RPS6KA2: variants seen among roughly 807,000 people sequenced by gnomAD.
RPS6KA2 encodes the protein ribosomal protein S6 kinase A2, also known as ribosomal protein S6 kinase alpha-2.
RPS6KA2 carries 42 observed loss-of-function variants against 91.8 expected under a neutral mutation model. That is an observed-to-expected ratio of 0.46 (90% CI 0.36 to 0.59). The LOEUF (loss-of-function observed/expected upper bound fraction) is 0.59, where lower values mean the gene tolerates loss of function less well. Among genes scored for constraint, RPS6KA2 ranks in the 20% least tolerant of loss-of-function variants. The pLI is 0.00. For synonymous variants in RPS6KA2, 414 were observed against 393.6 expected, an observed-to-expected ratio of 1.05 and a Z score of -0.61; for missense variants, 798 against 978.5, an observed-to-expected ratio of 0.82 and a Z score of 2.46.
At position 166,412,942 on chromosome 6, in the gene RPS6KA2, C is replaced by T. The variant is rs2128434430; in HGVS notation, c.2077-55G>A. The T allele has an allele frequency of 6.7e-7, 1 of 1,491,508 alleles. No homozygotes were observed. Among genetic ancestry groups the T allele is most frequent in the East Asian group, 2.6e-5 (1 of 39,196 alleles). 92.4% of individuals were successfully genotyped at this position (1,491,508 alleles called of 1,614,324 possible). A position where few individuals can be genotyped will look rare whatever the true frequency, so the allele number is the denominator to read the frequency against. ...GCGGCGCCTCACTCCAGGGGTTGAG[C>T]CGGAGCCCGGGGCCTCCATGGGCCT... On this transcript the variant is annotated intron_variant, in intron 20 of 20. Transcript: ENST00000265678. This position sits in a 1 kb window ranked among gnomAD's most constrained non-coding sequence, Gnocchi z 4.3.
At chr6:166,678,535 G>A (rs572202034) in intron 2 of RPS6KA2, among the ~76,000 whole-genome samples, 1 of 152,294 alleles carries the variant, frequency 6.6e-6, no homozygotes, top group South Asian at 2.1e-4. Flanking sequence ...TTTCACAGAA[G>A]GAACTTTGGT....
intron 2 of RPS6KA2, among the ~76,000 whole-genome samples, chr6:166,830,905 C>T (rs1382774584): frequency 2.6e-5 from 4 of 152,204 alleles, no homozygotes; most frequent in Non-Finnish European, 2.9e-5. Context: ...CAGCTCCCCC[C>T]TATCAAGCTA....
At chr6:166,714,716 C>T (rs1288655209) in intron 2 of RPS6KA2, among the ~76,000 whole-genome samples, 6 of 152,214 alleles carry the variant, frequency 3.9e-5, no homozygotes, top group Admixed American at 6.5e-5. Context: ...TGTCCCTCCC[C>T]GCCTCAGCAG....
intron 2 of RPS6KA2, among the ~76,000 whole-genome samples, chr6:166,656,905 G>A (rs913175169): frequency 6.6e-6 from 1 of 152,164 alleles, no homozygotes; most frequent in African/African-American, 2.4e-5. Flanking sequence ...GCGGCACTGG[G>A]GTTTGGTGAG....
intron 10 of RPS6KA2, among the ~76,000 whole-genome samples, chr6:166,479,155 T>C (rs751451632): frequency 1.4e-4 from 21 of 152,196 alleles, no homozygotes; most frequent in Non-Finnish European, 2.6e-4. Context: ...GCTGCAGGCA[T>C]TTGTGCGCGT....
chr6:166,810,098 C>T (rs1339765576), intron 2 of RPS6KA2, among the ~76,000 whole-genome samples: 2 of 152,094 alleles, frequency 1.3e-5, no homozygotes, highest in Non-Finnish European at 1.5e-5. Context: ...CAGGATGGAG[C>T]GAGTGCACGC....
In RPS6KA2 at chr6:166,666,589, G is replaced by T. The variant is rs1279696259; in HGVS notation, c.124-127805C>A. On this transcript the variant is annotated intron_variant, in intron 2 of 21. Coordinates refer to the RPS6KA2 transcript ENST00000503859. The surrounding 1 kb of genome is among the most constrained non-coding windows in gnomAD (Gnocchi z 4.0). ...TAAGATACCCCCTCTCACCTGTTGG[G>T]ATAGCTACATCAAAACAAATAGCAT... is the stretch of plus-strand genomic sequence containing the variant. Among the ~76,000 whole-genome samples the T allele has an allele frequency of 6.6e-6, 1 of 152,184 alleles. No individual in the cohort carries two copies. The highest frequency in any genetic ancestry group is 1.5e-5 in the Non-Finnish European group (1 of 68,026).
chr6:166,493,792 G>T lies in RPS6KA2; in HGVS notation c.748-3051C>A, dbSNP rs1781687840. Among the ~76,000 whole-genome samples, 1 of 152,220 alleles carries T rather than the reference G, an allele frequency of 6.6e-6. No individual in the cohort carries two copies. On this transcript the variant is annotated intron_variant, in intron 8 of 20. Coordinates refer to ENST00000265678, the MANE Select transcript of RPS6KA2 (RefSeq NM_021135.6). This position sits in a 1 kb window ranked among gnomAD's most constrained non-coding sequence, Gnocchi z 4.7. Reference sequence around the variant, plus strand: ...CCTGGTGCTACAGGCGTCCACTGAGGGAGGCACAGATGCTGCTAAACATCC... The same window carrying T: ...CCTGGTGCTACAGGCGTCCACTGAGTGAGGCACAGATGCTGCTAAACATCC...
chr6:166,501,754 G>T (rs904521395), intron 6 of RPS6KA2, among the ~76,000 whole-genome samples: 1 of 152,160 alleles, frequency 6.6e-6, no homozygotes, highest in African/African-American at 2.4e-5. Flanking sequence ...TTATTTATTT[G>T]GCTGTAATTA....
intron 2 of RPS6KA2, among the ~76,000 whole-genome samples, chr6:166,745,432 G>A (rs191685343): frequency 1.5e-3 from 230 of 152,266 alleles, no homozygotes; most frequent in Admixed American, 0.012. Context: ...GATTCCAGGT[G>A]TGAGCCACTG....
intron 2 of RPS6KA2, among the ~76,000 whole-genome samples, chr6:166,663,381 C>T (rs1788215953): frequency 6.6e-6 from 1 of 152,138 alleles, no homozygotes; most frequent in African/African-American, 2.4e-5. Context: ...TGCTCTGCAG[C>T]CCACCCCAGC....
chr6:166,574,348 G>T (rs552399857), intron 1 of RPS6KA2, among the ~76,000 whole-genome samples: 37 of 152,244 alleles, frequency 2.4e-4, no homozygotes, highest in African/African-American at 8.2e-4. Flanking sequence ...AGCGTCTGTT[G>T]TTCCCATCTT....
intron 1 of RPS6KA2, among the ~76,000 whole-genome samples, chr6:166,594,116 T>C (rs1785450037): frequency 6.6e-6 from 1 of 152,240 alleles, no homozygotes; most frequent in African/African-American, 2.4e-5. Context: ...TACAGCTTAC[T>C]TTATTTGATG....
At position 166,434,974 on chromosome 6, in the gene RPS6KA2, C is replaced by T. The variant is rs1298456180; in HGVS notation, c.1333-2484G>A. 6.6e-6 allele frequency among the ~76,000 whole-genome samples: 1 copy of T among 152,088 alleles called. No homozygotes were observed. Among genetic ancestry groups the T allele is most frequent in the Non-Finnish European group, 1.5e-5 (1 of 68,006 alleles). On this transcript the variant is annotated intron_variant, in intron 14 of 20. Coordinates refer to ENST00000265678, the MANE Select transcript of RPS6KA2 (RefSeq NM_021135.6). This position sits in a 1 kb window ranked among gnomAD's most constrained non-coding sequence, Gnocchi z 4.4. ...TCCTGTGAGGAGGGGAACAGGGTGCCTGGGGGCCCATGGGTGGGAGGGAAA... is the reference window on the plus strand; with the variant it reads ...TCCTGTGAGGAGGGGAACAGGGTGCTTGGGGGCCCATGGGTGGGAGGGAAA...
chr6:166,592,673 G>A (rs893683883), intron 1 of RPS6KA2, among the ~76,000 whole-genome samples: 1 of 128,140 alleles, frequency 7.8e-6, no homozygotes, highest in Non-Finnish European at 1.6e-5. Flanking sequence ...GGCAGCCACC[G>A]CACAGAACTG....
At chr6:166,555,465 C>T (rs893000609) in intron 1 of RPS6KA2, among the ~76,000 whole-genome samples, 1 of 152,190 alleles carries the variant, frequency 6.6e-6, no homozygotes, top group African/African-American at 2.4e-5. Context: ...GCTTCTTCCT[C>T]TCCCTGTCCC....
chr6:166,804,572 CATAAAA>C (rs1354514816), intron 2 of RPS6KA2, among the ~76,000 whole-genome samples: 1 of 151,718 alleles, frequency 6.6e-6, no homozygotes, highest in Middle Eastern at 3.2e-3. Context: ...CCCACAAACC[CATAAAA>C]ATAAAGTTCA....
chr6:166,720,048 G>A (rs903200377), intron 2 of RPS6KA2, among the ~76,000 whole-genome samples: 1 of 152,138 alleles, frequency 6.6e-6, no homozygotes, highest in African/African-American at 2.4e-5. Context: ...AAAATACCCT[G>A]AGTGCTATTT....
rs551926021 is a variant in RPS6KA2 at position 166,623,427 on chromosome 6, G to A, written c.99+3494C>T. Among the ~76,000 whole-genome samples the A allele has an allele frequency of 8.5e-5, 13 of 152,336 alleles. No homozygotes were observed. In the South Asian group the frequency reaches 1.0e-3, roughly 12 times the overall value. Reference sequence around the variant, plus strand: ...ACCTATGGTTCTGCTAAGTTAGGACGGTGAGGGTGGTGCATTTCCTTGCTC... The same window carrying A: ...ACCTATGGTTCTGCTAAGTTAGGACAGTGAGGGTGGTGCATTTCCTTGCTC... On this transcript the variant is annotated intron_variant, in intron 1 of 20. Coordinates refer to ENST00000265678, the MANE Select transcript of RPS6KA2 (RefSeq NM_021135.6).
Sources: gnomAD v4.1 joint callset for allele counts (sites outside exome capture counted in the v4.1 genomes callset) on GRCh38, gnomAD v4.1.1 for gene constraint, Gnocchi (gnomAD v3.1) non-coding constraint, MANE v1.5 for transcripts, NCBI Gene and HGNC (gene_info 2026-07-23, HGNC 2026-07-21) for gene names.